The following TEX14 variants were observed in gnomAD, a reference collection of about 807,000 sequenced individuals.
TEX14 encodes the protein inactive serine/threonine-protein kinase TEX14.
TEX14 carries 168 observed loss-of-function variants against 178.6 expected under a neutral mutation model. The ratio of observed to expected loss-of-function variants is 0.94; its 90% CI spans 0.83 to 1.07. TEX14 has a LOEUF of 1.07. Among genes scored for constraint, TEX14 ranks in the 50% least tolerant of loss-of-function variants. The pLI is 0.00. For synonymous variants in TEX14, 626 were observed against 634.1 expected (o/e 0.99, Z 0.19); for missense variants, 1,730 against 1,753.6 (o/e 0.99, Z 0.24).
chr17:58,583,370 A>G (rs2044871372), intron 19 of TEX14, among the ~76,000 whole-genome samples: 1 of 152,132 alleles, frequency 6.6e-6, no homozygotes, highest in South Asian at 2.1e-4. Flanking sequence ...GACTCAAGCA[A>G]TCTGCCCACC....
intron 9 of TEX14, 80 bp from the exon 10 acceptor site, chr17:58,611,419 C>T (rs1173482843): frequency 9.5e-7 from 1 of 1,048,032 alleles, no homozygotes; most frequent in African/African-American, 1.6e-5. Context: ...GATTTCCAGT[C>T]TTTCCATATG....
At chr17:58,659,240 A>ACACAAACT in intron 1 of TEX14, 1 of 635,294 alleles carries the variant, frequency 1.6e-6, no homozygotes, top group Non-Finnish European at 2.0e-6. Context: ...ACACATAGTA[A>ACACAAACT]AAACCCTCCC....
rs553252881 is a variant in TEX14, at chr17:58,595,175, G to A, written c.2470-1514C>T. Among the ~76,000 whole-genome samples the A allele has an allele frequency of 1.7e-4, 26 of 152,098 alleles. No individual in the cohort carries two copies. In the South Asian group the frequency reaches 2.7e-3, roughly 16 times the overall value. On this transcript the variant is annotated intron_variant, in intron 14 of 31. Transcript: ENST00000349033. ...TTTAGAATATCATGAAGTTTGTAAC[G>A]TTTTCATTCAATATAATTAAAATTT...
intron 1 of TEX14, among the ~76,000 whole-genome samples, chr17:58,674,499 G>C (rs932782326): frequency 1.9e-4 from 29 of 150,528 alleles, no homozygotes; most frequent in African/African-American, 6.6e-4. Flanking sequence ...GCGAAACCCC[G>C]TCTCTACTAA....
rs145117100 is a variant in TEX14, at chr17:58,587,811, C to A, written c.2702+85G>T. 4.2e-3 allele frequency: 5,305 copies of A among 1,269,424 alleles called. 15 individuals carry two copies. Among genetic ancestry groups the A allele is most frequent in the Admixed American group, 6.0e-3 (352 of 58,970 alleles). 78.6% of individuals were successfully genotyped at this position (1,269,424 alleles called of 1,614,324 possible). A position where few individuals can be genotyped will look rare whatever the true frequency, so the allele number is the denominator to read the frequency against. On this transcript the variant is annotated intron_variant, in intron 16 of 31. Transcript: ENST00000349033. ...TCCCTAAGCCATTCCTAGAGTTGCA[C>A]TGACCCCTTTGCACCAGCAGAGGGT...
At chr17:58,620,304 C>T (rs574557166) in intron 5 of TEX14, among the ~76,000 whole-genome samples, 42 of 152,098 alleles carry the variant, frequency 2.8e-4, no homozygotes, top group African/African-American at 1.0e-3. Flanking sequence ...AGTGGTACAA[C>T]CTGATTTCCA....
Position 58,622,985 on chromosome 17 carries a change from G to A in TEX14, c.279C>T (p.Val93=). ...GATTGCCCGAAAATGCTGCTGCATG[G>A]ACAGGGGTGCTCCCATCAAAGCAGC... ...NHRCFDGSTP[V]HAAAFSGNQW... Residue 93 remains valine, a synonymous_variant, in exon 4 of 32, where the codon GTC becomes GTT. Coordinates refer to ENST00000349033, the MANE Select transcript of TEX14 (RefSeq NM_031272.5). The A allele has an allele frequency of 6.2e-7, 1 of 1,607,504 alleles. No homozygotes were observed. Among genetic ancestry groups the A allele is most frequent in the Non-Finnish European group, 8.5e-7 (1 of 1,174,402 alleles).
Position 58,613,476 on chromosome 17 carries a change from C to T in TEX14, c.950G>A (p.Arg317His), listed in dbSNP as rs751804016. 13 of 1,613,886 alleles carry T rather than the reference C, an allele frequency of 8.1e-6. No individual in the cohort carries two copies. Among genetic ancestry groups the T allele is most frequent in the South Asian group, 6.6e-5 (6 of 91,082 alleles). Residue 317 changes from arginine to histidine, a missense_variant, in exon 9 of 32, where the codon CGC (arginine) becomes CAC (histidine). By Grantham distance (29) the Arg-to-His change is conservative. Coordinates refer to ENST00000349033, the MANE Select transcript of TEX14 (RefSeq NM_031272.5). ...VCLSQDLEKT[R>H]LVYERITIGT... ...GATAGTGATGCGCTCGTACACAAGGCGGGTTTTCTCTAGGTCCTGGGAGAG... is the reference window on the plus strand; with the variant it reads ...GATAGTGATGCGCTCGTACACAAGGTGGGTTTTCTCTAGGTCCTGGGAGAG...
chr17:58,661,785 T>G (rs1282755517), intron 1 of TEX14: 1 of 519,348 alleles, frequency 1.9e-6, no homozygotes, highest in African/African-American at 1.9e-5. Context: ...GAATCGCTGC[T>G]CCACTCCGGG....
chr17:58,684,880 G>A (rs1472010983), intron 1 of TEX14, among the ~76,000 whole-genome samples: 1 of 152,012 alleles, frequency 6.6e-6, no homozygotes, highest in East Asian at 1.9e-4. Context: ...AGAGGCTGTG[G>A]CATAAGAATT....
intron 5 of TEX14, among the ~76,000 whole-genome samples, chr17:58,619,628 A>G (rs2045951217): frequency 6.6e-6 from 1 of 152,006 alleles, no homozygotes; most frequent in Non-Finnish European, 1.5e-5. Context: ...GCCACGGTGA[A>G]ACCCCATCTC....
At chr17:58,665,468 C>T (rs1227901440) in intron 1 of TEX14, among the ~76,000 whole-genome samples, 1 of 151,918 alleles carries the variant, frequency 6.6e-6, no homozygotes, top group African/African-American at 2.4e-5. Flanking sequence ...TGTGGTCATG[C>T]GTGGCTGTAG....
intron 11 of TEX14, among the ~76,000 whole-genome samples, chr17:58,603,174 T>A (rs548984005): frequency 1.1e-4 from 16 of 152,004 alleles, no homozygotes; most frequent in African/African-American, 3.9e-4. Flanking sequence ...CAGCAACATG[T>A]ACACATGGGC....
rs1183080223 is a variant in TEX14, at chr17:58,572,003, A to C, written c.3635T>G (p.Phe1212Cys). Residue 1212 changes from phenylalanine to cysteine, a missense_variant, in exon 24 of 32, where the codon TTT becomes TGT. By Grantham distance (205) the Phe-to-Cys change is radical (BLOSUM62 -2). Coordinates refer to ENST00000349033, the MANE Select transcript of TEX14 (RefSeq NM_031272.5). ...CTTTGCTCTCTCTCGGACACTTATAAAGTCATCAGACAAAGTTTGAATAAA... is the reference window on the plus strand; with the variant it reads ...CTTTGCTCTCTCTCGGACACTTATACAGTCATCAGACAAAGTTTGAATAAA... ...QEFIQTLSDDFISVRERAKKL... is the reference protein window; with the variant it reads ...QEFIQTLSDDCISVRERAKKL... The C allele has an allele frequency of 4.3e-6, 7 of 1,614,148 alleles. No homozygotes were observed. Among genetic ancestry groups the C allele is most frequent in the Non-Finnish European group, 5.9e-6 (7 of 1,180,018 alleles).
At chr17:58,630,388 CATCTT>C in intron 3 of TEX14, 47 bp downstream of exon 3, 5 of 1,358,646 alleles carry the variant, frequency 3.7e-6, no homozygotes, top group Non-Finnish European at 5.3e-6. Flanking sequence ...TAAACAAACT[CATCTT>C]AACAGCACAA....
At position 58,629,139 on chromosome 17, in the gene TEX14, C is replaced by T. The variant is rs145822582; in HGVS notation, c.251+1301G>A. On this transcript the variant is annotated intron_variant, in intron 3 of 31. Transcript: ENST00000349033. ...TCAAATAAGCTAATATTTGAGAAGGCCCTAGCAAAAGCCGAAGTGCTTCAC... is the reference window on the plus strand; with the variant it reads ...TCAAATAAGCTAATATTTGAGAAGGTCCTAGCAAAAGCCGAAGTGCTTCAC... 2.6e-5 allele frequency among the ~76,000 whole-genome samples: 4 copies of T among 152,246 alleles called. No homozygotes were observed. In the East Asian group the frequency reaches 7.7e-4, roughly 29 times the overall value.
At chr17:58,580,562 G>A (rs976299103) in intron 19 of TEX14, among the ~76,000 whole-genome samples, 3 of 151,876 alleles carry the variant, frequency 2.0e-5, no homozygotes, top group South Asian at 4.1e-4. Context: ...CACCCACCTC[G>A]GCCTCCCCAA....
chr17:58,589,347 G>A (rs1039445360), intron 15 of TEX14, among the ~76,000 whole-genome samples: 1 of 150,790 alleles, frequency 6.6e-6, no homozygotes, highest in African/African-American at 2.4e-5. Context: ...TGAATCATGA[G>A]GTCAGGAGTT....
intron 5 of TEX14, among the ~76,000 whole-genome samples, chr17:58,620,682 C>G (rs1003693062): frequency 6.6e-6 from 1 of 151,880 alleles, no homozygotes; most frequent in African/African-American, 2.4e-5. Flanking sequence ...TTAGTAGAGA[C>G]GGGGGTTTCA....
Sources: gnomAD v4.1 joint callset for allele counts (sites outside exome capture counted in the v4.1 genomes callset) on GRCh38, gnomAD v4.1.1 for gene constraint, MANE v1.5 for transcripts, NCBI Gene and HGNC (gene_info 2026-07-23, HGNC 2026-07-21) for gene names.